Variants in OPLAH observed in about 807,000 individuals in gnomAD.
OPLAH encodes 5-oxoprolinase, ATP-hydrolysing, also known as 5-oxoprolinase.
A neutral mutation model predicts 122.8 loss-of-function variants in OPLAH; 103 were observed. The ratio of observed to expected loss-of-function variants is 0.84; its 90% CI spans 0.71 to 0.99. The LOEUF (loss-of-function observed/expected upper bound fraction) is 0.99, where lower values mean the gene tolerates loss of function less well. Ranked by LOEUF, OPLAH falls within the 50% of genes least tolerant of loss-of-function variation. The pLI, the probability that OPLAH is intolerant of heterozygous loss-of-function variation, is 0.00. For missense variants in OPLAH, 1,902 were observed against 1,836.5 expected (o/e 1.04, Z -0.65); for synonymous variants, 875 against 796.0 (o/e 1.10, Z -1.67).
rs1835417961 is a variant in OPLAH at position 144,052,822 on chromosome 8, A to C, written c.3097T>G (p.Ser1033Ala). 1 of 1,559,866 alleles carries C rather than the reference A, an allele frequency of 6.4e-7. No homozygotes were observed. The highest frequency in any genetic ancestry group is 1.9e-5 in the Admixed American group (1 of 52,020). The change falls in exon 22 of 27, where the codon TCC becomes GCC. Residue 1033 changes from serine (S) to alanine (A), a missense_variant. Transcript: ENST00000618853. ...NLNAPRAVTLSALIYCLRCLV... is the reference protein window; with the variant it reads ...NLNAPRAVTLAALIYCLRCLV... ...CAGCGCAGGCAGTAGATGAGGGCGG[A>C]CAGGGTTACGGCCCGCGGTGCGTTG...
chr8:144,052,488 A>G lies in OPLAH; in HGVS notation c.3264T>C (p.Asp1088=). 6.4e-7 allele frequency: 1 copy of G among 1,562,994 alleles called. No individual in the cohort carries two copies. Among genetic ancestry groups the G allele is most frequent in the Non-Finnish European group, 8.6e-7 (1 of 1,161,030 alleles). ...AGGCCCCAAAGGCCCCCAGGATGAC[A>G]TCCACCACGCGCTGCGACGTGAGCA... ...GNVLTSQRVV[D]VILGAFGACA... The change falls in exon 23 of 27, where the codon GAT becomes GAC. Residue 1088 remains aspartate, a synonymous_variant. Transcript: ENST00000618853.
At chr8:144,056,007 GC>G in intron 15 of OPLAH, 68 bp from the exon 16 acceptor site, 1 of 1,493,222 alleles carries the variant, frequency 6.7e-7, no homozygotes, top group Non-Finnish European at 9.0e-7. Context: ...AGATGCCACG[GC>G]CCCAGGCCAG....
chr8:144,053,007 G>C lies in OPLAH; in HGVS notation c.2994C>G (p.Leu998=), dbSNP rs1554758088. The C allele has an allele frequency of 1.2e-6, 2 of 1,603,400 alleles. No homozygotes were observed. Among genetic ancestry groups the C allele is most frequent in the Admixed American group, 3.4e-5 (2 of 58,684 alleles). Residue 998 remains leucine, a synonymous_variant, in exon 21 of 27, where the codon CTC becomes CTG. Transcript: ENST00000618853. ...DHMDDGSPIR[L]RVQISLSQGS... ...CCTGACTCAGGCTGATCTGCACACG[G>C]AGGCGGATGGGGGAACCGTCGTCCA... is the stretch of plus-strand genomic sequence containing the variant.
intron 21 of OPLAH, 29 bp downstream of exon 21, chr8:144,052,954 C>T (rs936112221): frequency 6.3e-7 from 1 of 1,581,034 alleles, no homozygotes; most frequent in Non-Finnish European, 8.6e-7. Context: ...GTGCCCCTGC[C>T]GCCTAGAGGC....
chr8:144,061,891 G>A (rs1262260686), upstream of OPLAH, among the ~76,000 whole-genome samples: 3 of 151,724 alleles, frequency 2.0e-5, no homozygotes, highest in Non-Finnish European at 2.9e-5. Context: ...GTGGTGGCAC[G>A]CACTTGTAGT....
In OPLAH at chr8:144,060,673, G is replaced by C. The variant is rs1554760731; in HGVS notation, c.-74C>G. ...CCCACCTGGCGCTCGGCTCCGGCTC[G>C]GTCGCTCGCGGTCGGCTCTGCCTGC... is the stretch of plus-strand genomic sequence containing the variant. On this transcript the variant is annotated 5_prime_UTR_variant, in exon 1 of 27. Coordinates refer to ENST00000618853, the MANE Select transcript of OPLAH (RefSeq NM_017570.5). The C allele has an allele frequency of 6.6e-6, 1 of 152,044 alleles. No homozygotes were observed. Among genetic ancestry groups the C allele is most frequent in the East Asian group, 1.9e-4 (1 of 5,178 alleles). 9.4% of individuals were successfully genotyped at this position (152,044 alleles called of 1,614,324 possible). A position where few individuals can be genotyped will look rare whatever the true frequency, so the allele number is the denominator to read the frequency against.
Position 144,052,080 on chromosome 8 carries a change from C to A in OPLAH, c.3462-4G>T. 2 of 1,578,904 alleles carry A rather than the reference C, an allele frequency of 1.3e-6. No homozygotes were observed. Among genetic ancestry groups the A allele is most frequent in the Non-Finnish European group, 8.6e-7 (1 of 1,169,320 alleles). On this transcript the variant is annotated splice_polypyrimidine_tract_variant and splice_region_variant and intron_variant, in intron 24 of 26. Transcript: ENST00000618853. ...GCGGCGCAGGATGACCGGGTACCTG[C>A]GAGGGCGAGGACGAGGGCAAAGACT... is the stretch of plus-strand genomic sequence containing the variant.
chr8:144,056,403 C>T lies in OPLAH; in HGVS notation c.1965G>A (p.Gly655=). Residue 655 remains glycine (G), a synonymous_variant, in exon 14 of 27, where the codon GGG becomes GGA. Coordinates refer to ENST00000618853, the MANE Select transcript of OPLAH (RefSeq NM_017570.5). ...RLEDAPKAQT[G]PPRVDKMTQC... ...CACCAACCTTGTCCACCCGGGGAGG[C>T]CCGGTCTGGGCTTTGGGGGCATCCT... is the stretch of plus-strand genomic sequence containing the variant. 6.2e-7 allele frequency: 1 copy of T among 1,606,682 alleles called. No homozygotes were observed. Among genetic ancestry groups the T allele is most frequent in the Middle Eastern group, 1.7e-4 (1 of 6,052 alleles).
chr8:144,057,201 G>T lies in OPLAH; in HGVS notation c.1535+7C>A. On this transcript the variant is annotated splice_region_variant and intron_variant, in intron 11 of 26. Transcript: ENST00000618853. ...CACCACCTCCGTGCACCCACACCCA[G>T]GCCCACCTGTGGATGTGCACCGTGT... The T allele has an allele frequency of 3.1e-6, 5 of 1,610,454 alleles. No homozygotes were observed. The highest frequency in any genetic ancestry group is 4.2e-6 in the Non-Finnish European group (5 of 1,178,994).
In OPLAH at chr8:144,051,389, T is replaced by C; in HGVS notation, c.3804A>G (p.Gln1268=). The C allele has an allele frequency of 6.3e-7, 1 of 1,598,300 alleles. No homozygotes were observed. Among genetic ancestry groups the C allele is most frequent in the Non-Finnish European group, 8.5e-7 (1 of 1,173,924 alleles). The part of the protein sequence containing the change: ...DPAPPPGSPP[Q]ALAFPEHGSV... ...TGCCGTGCTCGGGAAAGGCCAGTGC[T>C]TGCGGGGGCGACCCCGGCGGTGGGG... is the stretch of plus-strand genomic sequence containing the variant. Residue 1268 remains glutamine (Q), a synonymous_variant, in exon 27 of 27, where the codon CAA becomes CAG. Coordinates refer to ENST00000618853, the MANE Select transcript of OPLAH (RefSeq NM_017570.5).
Position 144,057,454 on chromosome 8 carries a change from G to C in OPLAH, c.1416C>G (p.Leu472=). ...NEAMCRPIRA[L]TQARGHDPSA... Reference sequence around the variant, plus strand: ...AGAGCAGAGGTGGACGTACCTGCGTGAGTGCACGGATGGGCCGGCACATGG... The same window carrying C: ...AGAGCAGAGGTGGACGTACCTGCGTCAGTGCACGGATGGGCCGGCACATGG... Residue 472 remains leucine (L), a synonymous_variant, in exon 10 of 27, where the codon CTC becomes CTG. Transcript: ENST00000618853. The C allele has an allele frequency of 6.3e-7, 1 of 1,586,270 alleles. No individual in the cohort carries two copies. The highest frequency in any genetic ancestry group is 8.6e-7 in the Non-Finnish European group (1 of 1,166,514).
Position 144,053,123 on chromosome 8 carries a change from C to T in OPLAH, c.2878G>A (p.Ala960Thr), listed in dbSNP as rs1410980759. 5 of 1,606,856 alleles carry T rather than the reference C, an allele frequency of 3.1e-6. No homozygotes were observed. Among genetic ancestry groups the T allele is most frequent in the African/African-American group, 1.3e-5 (1 of 74,770 alleles). ...QAYMGHIQANAELAVRDMLRA... is the reference protein window; with the variant it reads ...QAYMGHIQANTELAVRDMLRA... ...AACATGTCTCGCACGGCCAGCTCAG[C>T]GTTTGCCTGGCAGGGAGCAGGATCA... The change falls in exon 21 of 27, where the codon GCT becomes ACT. Residue 960 changes from alanine (A) to threonine (T), a missense_variant. By Grantham distance (58) the Ala-to-Thr change is moderately conservative. Around this residue, in one of 3 missense-constraint regions of OPLAH, gnomAD observed 1,726 missense variants for 1,642.1 expected, o/e 1.05. Transcript: ENST00000618853.
chr8:144,050,776 C>T, downstream of OPLAH: 1 of 986,652 alleles, frequency 1.0e-6, no homozygotes, highest in South Asian at 4.7e-5. Flanking sequence ...CTGATGCCGC[C>T]CTCCCCCGGA....
Position 144,051,492 on chromosome 8 carries a change from CGGGG to C in OPLAH, c.3721-24_3721-21del. On this transcript the variant is annotated intron_variant, in intron 26 of 26. Coordinates refer to ENST00000618853, the MANE Select transcript of OPLAH (RefSeq NM_017570.5). The stretch of plus-strand genomic sequence containing the variant: ...CACATCCTGTTGGCGCGGGGGGGGG[CGGGG>C]AGGCGGGCTCAGTGCAGGCGTGGCC... 7 of 413,212 alleles carry C rather than the reference CGGGG, an allele frequency of 1.7e-5. No homozygotes were observed. The highest frequency in any genetic ancestry group is 4.7e-5 in the African/African-American group (1 of 21,350). The allele number at this position is 413,212 out of a possible 1,614,324, so 25.6% of individuals were successfully genotyped here.
Position 144,057,695 on chromosome 8 carries a change from G to A in OPLAH, c.1175C>T (p.Thr392Met), listed in dbSNP as rs201444271. ...CYRKGGPVTV[T>M]DANLVLGRLL... ...GCGACCCAGGACCAGATTAGCATCC[G>A]TCACTGTCACAGGGCCCCCTGGGAG... Residue 392 changes from threonine to methionine, a missense_variant, in exon 10 of 27, where the codon ACG becomes ATG. Transcript: ENST00000618853. 1.5e-4 allele frequency: 236 copies of A among 1,609,006 alleles called. 1 individual carries two copies. Among genetic ancestry groups the A allele is most frequent in the Non-Finnish European group, 1.9e-4 (225 of 1,177,908 alleles).
chr8:144,054,739 G>T lies in OPLAH; in HGVS notation c.2512-4C>A, dbSNP rs374328943. On this transcript the variant is annotated splice_polypyrimidine_tract_variant and splice_region_variant and intron_variant, in intron 18 of 26. Transcript: ENST00000618853. Reference sequence around the variant, plus strand: ...GCGTCTGACCCGGCCAAAACACCTAGCGGGTGGAGAGCCACGGTCAGCTGC... The same window carrying T: ...GCGTCTGACCCGGCCAAAACACCTATCGGGTGGAGAGCCACGGTCAGCTGC... 31 of 1,612,066 alleles carry T rather than the reference G, an allele frequency of 1.9e-5. No individual in the cohort carries two copies. In the African/African-American group the frequency reaches 4.0e-4, roughly 21 times the overall value.
Position 144,059,061 on chromosome 8 carries a change from C to T in OPLAH, c.382G>A (p.Val128Met). ...ACCTCCAGCACCTCTTCATACAGCA[C>T]CTCAGGCATGGGCACGGCCTGGGGG... ...LFDLAVPMPE[V>M]LYEEVLEVDE... The change falls in exon 4 of 27, where the codon GTG (valine) becomes ATG (methionine). Residue 128 changes from valine to methionine, a missense_variant. This residue lies in a region of OPLAH where 8 missense variants were observed against 23.9 expected (regional missense o/e 0.34). Coordinates refer to ENST00000618853, the MANE Select transcript of OPLAH (RefSeq NM_017570.5). 1 of 1,587,654 alleles carries T rather than the reference C, an allele frequency of 6.3e-7. No homozygotes were observed. Among genetic ancestry groups the T allele is most frequent in the Non-Finnish European group, 8.6e-7 (1 of 1,168,778 alleles).
intron 11 of OPLAH, 35 bp downstream of exon 11, chr8:144,057,173 T>A (rs940017615): frequency 1.1e-5 from 18 of 1,603,768 alleles, no homozygotes; most frequent in Middle Eastern, 3.3e-4. Context: ...CCGGCGCAGA[T>A]CACACCACCT....
Position 144,053,205 on chromosome 8 carries a change from C to A in OPLAH, c.2871+4G>T. 2 of 1,612,306 alleles carry A rather than the reference C, an allele frequency of 1.2e-6. No homozygotes were observed. The highest frequency in any genetic ancestry group is 1.7e-6 in the Non-Finnish European group (2 of 1,179,582). On this transcript the variant is annotated splice_donor_region_variant and intron_variant, in intron 20 of 26. Coordinates refer to ENST00000618853, the MANE Select transcript of OPLAH (RefSeq NM_017570.5). Reference sequence around the variant, plus strand: ...GCCGCCCACACTCCTGTGCCCAGGCCCACCTGAATATGGCCCATGTAGGCC... The same window carrying A: ...GCCGCCCACACTCCTGTGCCCAGGCACACCTGAATATGGCCCATGTAGGCC...
Sources: gnomAD v4.1 joint callset for allele counts (sites outside exome capture counted in the v4.1 genomes callset) on GRCh38, gnomAD v4.1.1 for gene constraint, gnomAD v4.1.1 regional missense constraint, MANE v1.5 for transcripts, NCBI Gene and HGNC (gene_info 2026-07-23, HGNC 2026-07-21) for gene names.